BTBD9: variants seen among roughly 807,000 people sequenced by gnomAD.
The protein encoded by BTBD9 is BTB/POZ domain-containing protein 9.
Under a neutral mutation model 64.3 loss-of-function variants are expected in BTBD9, and 49 were observed. The ratio of observed to expected loss-of-function variants is 0.76; its 90% CI spans 0.61 to 0.97. BTBD9 has a LOEUF of 0.97. BTBD9 is among the 50% of genes least tolerant of loss of function. The pLI is 0.00. For missense variants in BTBD9, 598 were observed against 762.1 expected (o/e 0.78, Z 2.53); for synonymous variants, 260 against 274.7 (o/e 0.95, Z 0.53).
intron 6 of BTBD9, among the ~76,000 whole-genome samples, chr6:38,553,154 CT>C (rs906874131): frequency 1.3e-5 from 2 of 152,110 alleles, no homozygotes; most frequent in Admixed American, 6.5e-5. Context: ...TTTTTATTGT[CT>C]TTTTTTCCCC....
At chr6:38,533,825 A>T (rs756277041) in intron 6 of BTBD9, among the ~76,000 whole-genome samples, 1 of 152,274 alleles carries the variant, frequency 6.6e-6, no homozygotes, top group East Asian at 1.9e-4. Context: ...AAATTGAAAA[A>T]TTTCTTCAAA....
At chr6:38,417,068 T>C (rs930957635) in intron 6 of BTBD9, among the ~76,000 whole-genome samples, 11 of 152,236 alleles carry the variant, frequency 7.2e-5, no homozygotes, top group African/African-American at 2.6e-4. Flanking sequence ...GCCTCCCAAG[T>C]AGCTAGGACT....
intron 6 of BTBD9, among the ~76,000 whole-genome samples, chr6:38,519,176 A>G (rs1322090534): frequency 2.0e-5 from 3 of 152,174 alleles, no homozygotes; most frequent in Non-Finnish European, 4.4e-5. Context: ...GAGCTCAGGG[A>G]TGGGCACCAG....
chr6:38,607,109 A>C (rs1378482589), intron 1 of BTBD9, among the ~76,000 whole-genome samples: 1 of 152,200 alleles, frequency 6.6e-6, no homozygotes, highest in African/African-American at 2.4e-5. Context: ...TTATACATAC[A>C]TGTACTTTGC....
intron 7 of BTBD9, among the ~76,000 whole-genome samples, chr6:38,296,562 A>T (rs1358422384): frequency 6.6e-6 from 1 of 152,136 alleles, no homozygotes; most frequent in Non-Finnish European, 1.5e-5. Flanking sequence ...TTCTAAAAAA[A>T]TGTATTTAAA....
intron 1 of BTBD9, among the ~76,000 whole-genome samples, chr6:38,620,049 C>T (rs528697147): frequency 1.3e-4 from 20 of 152,198 alleles, no homozygotes; most frequent in Non-Finnish European, 2.5e-4. Flanking sequence ...AAAGACCCCA[C>T]CACTTTTCCT....
intron 6 of BTBD9, among the ~76,000 whole-genome samples, chr6:38,434,827 C>T (rs900904223): frequency 2.0e-5 from 3 of 151,884 alleles, no homozygotes; most frequent in Admixed American, 2.0e-4. Context: ...TACAGTCCCG[C>T]AGTATCCACT....
chr6:38,571,310 G>A (rs1237446038), intron 6 of BTBD9, among the ~76,000 whole-genome samples: 1 of 152,190 alleles, frequency 6.6e-6, no homozygotes, highest in Non-Finnish European at 1.5e-5. Flanking sequence ...CAGAGGTGTA[G>A]GGAACAAAAG....
At chr6:38,407,417 T>C (rs1767217178) in intron 6 of BTBD9, among the ~76,000 whole-genome samples, 1 of 152,112 alleles carries the variant, frequency 6.6e-6, no homozygotes, top group Non-Finnish European at 1.5e-5. Context: ...TGCAATGTTA[T>C]ATTTAAGACC....
At chr6:38,403,354 T>C (rs994080240) in intron 6 of BTBD9, among the ~76,000 whole-genome samples, 2 of 152,130 alleles carry the variant, frequency 1.3e-5, no homozygotes. Context: ...AACTCAACAA[T>C]TTTAAAAAAT....
In BTBD9 at chr6:38,359,028, C is replaced by G. The variant is rs547194897; in HGVS notation, c.1155-13935G>C. On this transcript the variant is annotated intron_variant, in intron 6 of 10. Transcript: ENST00000481247. ...CCTCATGATCCACCCGCCTCGGCCT[C>G]CCAAAGTGCTGGGATTACAGGCGTG... Among the ~76,000 whole-genome samples the G allele has an allele frequency of 4.6e-5, 7 of 152,234 alleles. No homozygotes were observed. The East Asian group carries it at 1.4e-3, about 29-fold the overall frequency.
intron 9 of BTBD9, among the ~76,000 whole-genome samples, chr6:38,203,706 A>G (rs1658960038): frequency 6.6e-6 from 1 of 151,948 alleles, no homozygotes; most frequent in Non-Finnish European, 1.5e-5. Context: ...ACTTGATCAT[A>G]TGAAGATAGA....
At chr6:38,201,560 C>T (rs762488839) in intron 9 of BTBD9, among the ~76,000 whole-genome samples, 1 of 152,112 alleles carries the variant, frequency 6.6e-6, no homozygotes, top group African/African-American at 2.4e-5. Flanking sequence ...TCTCACCACT[C>T]GTATTCAACA....
chr6:38,298,244 A>G (rs1481228161), intron 7 of BTBD9, among the ~76,000 whole-genome samples: 2 of 152,132 alleles, frequency 1.3e-5, no homozygotes, highest in African/African-American at 4.8e-5. Context: ...TATATACATT[A>G]AATTTTTATC....
intron 9 of BTBD9, among the ~76,000 whole-genome samples, chr6:38,253,771 G>C (rs1764481635): frequency 6.6e-6 from 1 of 152,098 alleles, no homozygotes; most frequent in Non-Finnish European, 1.5e-5. Flanking sequence ...GGTTCCAGGA[G>C]CTTGGGATAA....
chr6:38,516,326 G>T (rs1773022657), intron 6 of BTBD9, among the ~76,000 whole-genome samples: 1 of 151,946 alleles, frequency 6.6e-6, no homozygotes, highest in African/African-American at 2.4e-5. Flanking sequence ...GATACATGTA[G>T]AACTATGTGT....
At chr6:38,494,116 G>A (rs930030897) in intron 6 of BTBD9, among the ~76,000 whole-genome samples, 7 of 152,176 alleles carry the variant, frequency 4.6e-5, no homozygotes, top group Non-Finnish European at 8.8e-5. Flanking sequence ...TGAATAAGTG[G>A]TTTGCAGTAG....
intron 1 of BTBD9, among the ~76,000 whole-genome samples, chr6:38,616,716 G>T (rs1167996144): frequency 6.6e-6 from 1 of 152,162 alleles, no homozygotes; most frequent in African/African-American, 2.4e-5. Context: ...AACGAAACAT[G>T]GGAGGGGACA....
chr6:38,284,346 C>A (rs1050943195), intron 8 of BTBD9, among the ~76,000 whole-genome samples: 1 of 152,158 alleles, frequency 6.6e-6, no homozygotes, highest in Non-Finnish European at 1.5e-5. Context: ...TTTAAAAAAA[C>A]CCAAATGGGC....
Sources: gnomAD v4.1 joint callset for allele counts (sites outside exome capture counted in the v4.1 genomes callset) on GRCh38, gnomAD v4.1.1 for gene constraint, MANE v1.5 for transcripts, NCBI Gene and HGNC (gene_info 2026-07-23, HGNC 2026-07-21) for gene names.